The following DISC1 variants were observed in gnomAD, a reference collection of about 807,000 sequenced individuals.
The protein encoded by DISC1 is disrupted in schizophrenia 1 protein.
DISC1 carries 57 observed loss-of-function variants against 84.5 expected under a neutral mutation model. That is an observed-to-expected ratio of 0.67 (90% CI 0.55 to 0.84). DISC1 has a LOEUF of 0.84. Ranked by LOEUF, DISC1 falls within the 40% of genes least tolerant of loss-of-function variation. The pLI is 0.00. For missense variants in DISC1, 1,000 were observed against 1,057.8 expected (o/e 0.95, Z 0.76); for synonymous variants, 411 against 415.2 (o/e 0.99, Z 0.12).
intron 7 of DISC1, among the ~76,000 whole-genome samples, chr1:231,795,883 T>C (rs774907332): frequency 1.3e-5 from 2 of 152,032 alleles, no homozygotes; most frequent in Non-Finnish European, 2.9e-5. Flanking sequence ...AGCGAGACTC[T>C]ATCTCAAAGA....
At chr1:231,955,355 A>C (rs978683413) in intron 9 of DISC1, among the ~76,000 whole-genome samples, 1 of 152,178 alleles carries the variant, frequency 6.6e-6, no homozygotes, top group Admixed American at 6.5e-5. Flanking sequence ...AAACTTCTGA[A>C]ATTTAACAAA....
At chr1:231,858,178 C>T (rs902407478) in intron 9 of DISC1, among the ~76,000 whole-genome samples, 2 of 152,184 alleles carry the variant, frequency 1.3e-5, no homozygotes, top group African/African-American at 4.8e-5. Context: ...AAAATATAGC[C>T]TCACTGAATT....
At chr1:231,812,090 C>G (rs1056502250) in intron 8 of DISC1, among the ~76,000 whole-genome samples, 8 of 152,050 alleles carry the variant, frequency 5.3e-5, no homozygotes, top group African/African-American at 1.9e-4. Flanking sequence ...GGGTCTTGCT[C>G]TGTTGCTCAG....
intron 10 of DISC1, among the ~76,000 whole-genome samples, chr1:231,965,858 A>G (rs150481181): frequency 3.9e-5 from 6 of 152,284 alleles, no homozygotes; most frequent in South Asian, 2.1e-4. Context: ...GCCTCCTGCT[A>G]TTTCCTGCAT....
intron 9 of DISC1, among the ~76,000 whole-genome samples, chr1:231,941,683 G>A (rs1192246084): frequency 6.6e-6 from 1 of 151,820 alleles, no homozygotes; most frequent in Admixed American, 6.6e-5. Flanking sequence ...ATGTTGGCCA[G>A]GATGGTCTCG....
At chr1:231,765,988 G>A (rs1250925237) in intron 4 of DISC1, among the ~76,000 whole-genome samples, 2 of 151,818 alleles carry the variant, frequency 1.3e-5, no homozygotes, top group Non-Finnish European at 2.9e-5. Flanking sequence ...GATCTAGTAC[G>A]CACATTAAAA....
chr1:231,856,619 C>T (rs186751240), intron 9 of DISC1, among the ~76,000 whole-genome samples: 76 of 152,268 alleles, frequency 5.0e-4, no homozygotes, highest in Admixed American at 1.0e-3. Flanking sequence ...TATGTGGCTG[C>T]GGCCCAGGGA....
At chr1:231,931,825 T>A (rs6667823) in intron 9 of DISC1, among the ~76,000 whole-genome samples, 26,089 of 149,674 alleles carry the variant, frequency 0.17, 2,394 homozygotes, top group Non-Finnish European at 0.21. Flanking sequence ...TTAAAAAAAA[T>A]TTTTTTTTTA....
intron 9 of DISC1, among the ~76,000 whole-genome samples, chr1:231,905,348 G>A (rs1022468513): frequency 1.3e-5 from 2 of 152,224 alleles, no homozygotes; most frequent in South Asian, 2.1e-4. Flanking sequence ...GCTGTACGCA[G>A]TGGCTCATGC....
chr1:231,648,038 G>T (rs2060283709), intron 1 of DISC1, among the ~76,000 whole-genome samples: 1 of 152,182 alleles, frequency 6.6e-6, no homozygotes, highest in African/African-American at 2.4e-5. Flanking sequence ...TTTCCTAATG[G>T]AATACTCTTT....
chr1:231,689,965 G>C (rs2064789265), intron 1 of DISC1, among the ~76,000 whole-genome samples: 1 of 152,210 alleles, frequency 6.6e-6, no homozygotes, highest in African/African-American at 2.4e-5. Context: ...GAAGCTGAAG[G>C]CTGAGAAGGA....
At chr1:231,962,784 A>T (rs1660559894) in intron 10 of DISC1, among the ~76,000 whole-genome samples, 2 of 152,144 alleles carry the variant, frequency 1.3e-5, no homozygotes, top group Admixed American at 1.3e-4. Context: ...CTCTCCCTCC[A>T]TGTCAGCTCC....
chr1:232,033,103 T>C (rs1236405757), intron 12 of DISC1, among the ~76,000 whole-genome samples: 1 of 152,200 alleles, frequency 6.6e-6, no homozygotes, highest in Non-Finnish European at 1.5e-5. Context: ...CAACTTACCC[T>C]GTCTAAAATC....
Position 231,770,896 on chromosome 1 carries a change from G to A in DISC1, c.1460G>A (p.Arg487Lys). Residue 487 changes from arginine to lysine, a missense_variant, in exon 6 of 13, where the codon AGA becomes AAA. Physicochemically the swap from Arg to Lys is conservative, Grantham distance 26 (BLOSUM62 2). Around this residue, in one of 3 missense-constraint regions of DISC1, gnomAD observed 311 missense variants for 400.1 expected, o/e 0.78. Coordinates refer to ENST00000439617, the MANE Select transcript of DISC1 (RefSeq NM_018662.3). Reference protein sequence around the residue: ...FVLEAKDQQLRREIEEQEQQL... With the variant: ...FVLEAKDQQLKREIEEQEQQL... ...CTGGAAGCCAAAGATCAACAGCTGA[G>A]AAGGGAAATAGAGGAGCAAGAGCAG... 1.1e-5 allele frequency: 17 copies of A among 1,614,198 alleles called. No homozygotes were observed. Among genetic ancestry groups the A allele is most frequent in the Non-Finnish European group, 1.4e-5 (16 of 1,180,028 alleles).
intron 1 of DISC1, among the ~76,000 whole-genome samples, chr1:231,655,240 C>G (rs547243436): frequency 6.6e-6 from 1 of 152,200 alleles, no homozygotes; most frequent in Admixed American, 6.5e-5. Flanking sequence ...CTTTTAAAGT[C>G]GCCCCTCCCA....
At chr1:231,735,882 G>A (rs939956454) in intron 3 of DISC1, among the ~76,000 whole-genome samples, 20 of 152,130 alleles carry the variant, frequency 1.3e-4, no homozygotes, top group East Asian at 1.9e-4. Flanking sequence ...ATGTGATATC[G>A]GCTCACTGCA....
intron 3 of DISC1, among the ~76,000 whole-genome samples, chr1:231,738,861 G>A (rs994661722): frequency 1.3e-5 from 2 of 152,204 alleles, no homozygotes; most frequent in Non-Finnish European, 2.9e-5. Flanking sequence ...GTTTGGACCA[G>A]AGGAACTTCT....
intron 8 of DISC1, among the ~76,000 whole-genome samples, chr1:231,811,768 A>T (rs377409323): frequency 2.0e-5 from 3 of 152,332 alleles, no homozygotes; most frequent in Non-Finnish European, 1.5e-5. Context: ...TGACTAAGTC[A>T]CTTATTGACA....
At chr1:231,791,803 T>A (rs1480557875) in intron 6 of DISC1, among the ~76,000 whole-genome samples, 1 of 152,188 alleles carries the variant, frequency 6.6e-6, no homozygotes, top group Admixed American at 6.6e-5. Flanking sequence ...CTGGTCTTAT[T>A]TTCTGGTTTT....
Sources: allele counts gnomAD v4.1 joint callset (sites outside exome capture counted in the v4.1 genomes callset), GRCh38; gene constraint gnomAD v4.1.1; regional missense constraint gnomAD v4.1.1; transcripts MANE v1.5; gene names NCBI Gene and HGNC (gene_info 2026-07-23, HGNC 2026-07-21).